Variants in ADK observed in about 807,000 individuals in gnomAD.
ADK encodes adenosine kinase, also known as N6,N6-dimethyladenosine kinase.
In ADK, 24 loss-of-function variants were observed where a neutral mutation model predicts 44.7. The observed-to-expected ratio is 0.54, with a 90% CI of 0.39 to 0.76. The LOEUF is 0.76. Among genes scored for constraint, ADK ranks in the 30% least tolerant of loss-of-function variants. The probability of loss-of-function intolerance (pLI) is 0.00; values close to 1 mark genes in which losing one functional copy is unlikely to be tolerated. For missense variants in ADK, 321 were observed against 425.1 expected, an observed-to-expected ratio of 0.76 and a Z score of 2.15; for synonymous variants, 128 against 142.6, an observed-to-expected ratio of 0.90 and a Z score of 0.73.
At chr10:74,654,812 G>A (rs567421755) in intron 9 of ADK, 3 of 131,888 alleles carry the variant, frequency 2.3e-5, no homozygotes, top group African/African-American at 9.9e-5. Context: ...GTGAGACCCT[G>A]TCTCAATAGA....
chr10:74,192,310 C>CA (rs1842980755), intron 1 of ADK, among the ~76,000 whole-genome samples: 1 of 152,086 alleles, frequency 6.6e-6, no homozygotes, highest in Non-Finnish European at 1.5e-5. Context: ...TCACCACAAC[C>CA]TCCGCCTCCC....
At chr10:74,671,387 G>A (rs1042062813) in intron 10 of ADK, among the ~76,000 whole-genome samples, 5 of 151,910 alleles carry the variant, frequency 3.3e-5, no homozygotes, top group East Asian at 3.9e-4. Flanking sequence ...TAGTGGCGAC[G>A]GGGTTTCGCC....
chr10:74,496,211 ATCC>A (rs1444307212), intron 6 of ADK, among the ~76,000 whole-genome samples: 1 of 152,004 alleles, frequency 6.6e-6, no homozygotes, highest in Admixed American at 6.5e-5. Context: ...GGCTCAAGCA[ATCC>A]TCCTGCCTCA....
At chr10:74,262,894 C>T (rs1327574678) in intron 3 of ADK, among the ~76,000 whole-genome samples, 2 of 152,116 alleles carry the variant, frequency 1.3e-5, no homozygotes, top group African/African-American at 4.8e-5. Context: ...CATTTACTAG[C>T]TTTTGATTTT....
intron 7 of ADK, chr10:74,528,203 C>CTT (rs143241412): frequency 0.019 from 10,190 of 546,378 alleles, 590 homozygotes; most frequent in African/African-American, 0.14. Context: ...GTGTACATAT[C>CTT]TGCAAAAATG....
intron 9 of ADK, chr10:74,641,451 G>T (rs758376883): frequency 3.9e-5 from 6 of 152,198 alleles, no homozygotes; most frequent in African/African-American, 7.2e-5. Context: ...TCTATCTTGG[G>T]TTGGGTTTCT....
chr10:74,419,637 T>A (rs906232705), intron 6 of ADK, among the ~76,000 whole-genome samples: 1 of 152,142 alleles, frequency 6.6e-6, no homozygotes, highest in African/African-American at 2.4e-5. Flanking sequence ...TATGATGAAA[T>A]TTTGTAGTTC....
At chr10:74,658,182 T>C (rs1249169554) in intron 9 of ADK, among the ~76,000 whole-genome samples, 1 of 152,214 alleles carries the variant, frequency 6.6e-6, no homozygotes, top group Non-Finnish European at 1.5e-5. Flanking sequence ...GAAAAAGTAC[T>C]CTGTTTATTC....
At chr10:74,454,798 A>G (rs1845886099) in intron 6 of ADK, among the ~76,000 whole-genome samples, 1 of 152,200 alleles carries the variant, frequency 6.6e-6, no homozygotes, top group African/African-American at 2.4e-5. Context: ...TATGAAGTAA[A>G]TGTAGTAAAC....
At chr10:74,695,980 T>C (rs1856182700) in intron 10 of ADK, among the ~76,000 whole-genome samples, 1 of 152,032 alleles carries the variant, frequency 6.6e-6, no homozygotes, top group Non-Finnish European at 1.5e-5. Flanking sequence ...CTTGTTACTC[T>C]TGTTAGGGCT....
intron 3 of ADK, among the ~76,000 whole-genome samples, chr10:74,275,305 C>T (rs1021515671): frequency 4.6e-5 from 7 of 152,008 alleles, no homozygotes; most frequent in Admixed American, 3.3e-4. Flanking sequence ...CCCCTCTCTG[C>T]GCTGGGGTGG....
chr10:74,514,962 C>A (rs1268569777), intron 6 of ADK, among the ~76,000 whole-genome samples: 2 of 152,110 alleles, frequency 1.3e-5, no homozygotes, highest in East Asian at 3.9e-4. Flanking sequence ...GTAGCTGGAA[C>A]TACAGACACT....
intron 10 of ADK, among the ~76,000 whole-genome samples, chr10:74,680,863 T>A (rs879687641): frequency 2.0e-5 from 3 of 152,248 alleles, no homozygotes; most frequent in Non-Finnish European, 4.4e-5. Context: ...ATTTTTCATT[T>A]AATTATCCAA....
rs376071118 is a variant in ADK at position 74,633,869 on chromosome 10, G to A, written c.877+33376G>A. 1.2e-3 allele frequency among the ~76,000 whole-genome samples: 180 copies of A among 152,268 alleles called. 4 individuals carry two copies. The South Asian group carries it at 0.035, about 29-fold the overall frequency. ...ATGCCTAAAAGTTGGTAGAAAACAC[G>A]CAGTCTTACTGGCTTGAAGATCCAG... is the stretch of plus-strand genomic sequence containing the variant. On this transcript the variant is annotated intron_variant, in intron 9 of 10. Transcript: ENST00000539909.
At chr10:74,555,678 AT>A (rs1850221687) in intron 7 of ADK, among the ~76,000 whole-genome samples, 1 of 152,184 alleles carries the variant, frequency 6.6e-6, no homozygotes, top group African/African-American at 2.4e-5. Context: ...ACTGTTATGA[AT>A]ATCTTATTAA....
rs551912974 is a variant in ADK, at chr10:74,178,432, A to AT, written c.66-22332_66-22331insT. ...GAATTAGGCTATTATACCCAGAGTT[A>AT]ATTCCCCTTCTTCCCATTCCCACTC... On this transcript the variant is annotated intron_variant, in intron 1 of 10. Transcript: ENST00000539909. 2.4e-3 allele frequency among the ~76,000 whole-genome samples: 361 copies of AT among 152,314 alleles called. 6 individuals carry two copies. Among genetic ancestry groups the AT allele is most frequent in the Admixed American group, 0.021 (319 of 15,290 alleles).
chr10:74,575,701 C>A (rs186483347), intron 7 of ADK, among the ~76,000 whole-genome samples: 65 of 152,208 alleles, frequency 4.3e-4, no homozygotes, highest in Non-Finnish European at 6.5e-4. Flanking sequence ...CGAAGGACCT[C>A]TGAAAGTCAG....
At chr10:74,364,602 T>C (rs1842439532) in intron 4 of ADK, among the ~76,000 whole-genome samples, 1 of 152,142 alleles carries the variant, frequency 6.6e-6, no homozygotes, top group Non-Finnish European at 1.5e-5. Flanking sequence ...GCTCCTCTTC[T>C]TCCTTTTCCA....
At chr10:74,166,446 A>C (rs899381786) in intron 1 of ADK, among the ~76,000 whole-genome samples, 2 of 152,126 alleles carry the variant, frequency 1.3e-5, no homozygotes, top group African/African-American at 4.8e-5. Flanking sequence ...CAGCCTCCCA[A>C]GTAGCTGGGA....
Sources: allele counts gnomAD v4.1 joint callset (sites outside exome capture counted in the v4.1 genomes callset), GRCh38; gene constraint gnomAD v4.1.1; transcripts MANE v1.5; gene names NCBI Gene and HGNC (gene_info 2026-07-23, HGNC 2026-07-21).